Variants in SRBD1 observed in about 807,000 individuals in gnomAD.
SRBD1 encodes the protein S1 RNA binding domain 1, also known as S1 RNA-binding domain-containing protein 1.
A neutral mutation model predicts 115.3 loss-of-function variants in SRBD1; 88 were observed. The observed-to-expected ratio is 0.76, with a 90% CI of 0.64 to 0.91. The LOEUF is 0.91. SRBD1 is among the 40% of genes least tolerant of loss of function. The probability of loss-of-function intolerance (pLI) is 0.00; values close to 1 mark genes in which losing one functional copy is unlikely to be tolerated. For synonymous variants in SRBD1, 509 were observed against 407.7 expected (o/e 1.25, Z -2.99); for missense variants, 1,385 against 1,177.4 (o/e 1.18, Z -2.58).
intron 19 of SRBD1, among the ~76,000 whole-genome samples, chr2:45,407,392 C>T (rs1300545572): frequency 6.6e-6 from 1 of 152,126 alleles, no homozygotes; most frequent in Non-Finnish European, 1.5e-5. Flanking sequence ...TTACAAGATT[C>T]CCCTATTTGG....
intron 18 of SRBD1, among the ~76,000 whole-genome samples, chr2:45,414,718 A>ATATAGTATG (rs1667732001): frequency 6.6e-5 from 7 of 105,920 alleles, no homozygotes; most frequent in East Asian, 6.5e-4. Flanking sequence ...TAGTATGTAT[A>ATATAGTATG]TACACACACA....
intron 4 of SRBD1, among the ~76,000 whole-genome samples, chr2:45,586,806 G>C (rs372948587): frequency 2.7e-5 from 4 of 150,056 alleles, no homozygotes; most frequent in East Asian, 3.9e-4. Context: ...CTCAGCCTCC[G>C]AAAGTGCTGG....
At position 45,564,394 on chromosome 2, in the gene SRBD1, T is replaced by C. The variant is rs76308653; in HGVS notation, c.1306-1638A>G. The stretch of plus-strand genomic sequence containing the variant: ...GACAAGCGTGTCCACTCTCACAACA[T>C]TGTACTGAAGGTTCTAGCCAGGGAA... On this transcript the variant is annotated intron_variant, in intron 9 of 20. Coordinates refer to ENST00000263736, the MANE Select transcript of SRBD1 (RefSeq NM_018079.5). Among the ~76,000 whole-genome samples, 557 of 152,276 alleles carry C rather than the reference T, an allele frequency of 3.7e-3. 10 individuals carry two copies. Among genetic ancestry groups the C allele is most frequent in the African/African-American group, 0.013 (530 of 41,578 alleles).
intron 14 of SRBD1, among the ~76,000 whole-genome samples, chr2:45,491,399 T>C (rs1670287439): frequency 6.6e-6 from 1 of 152,220 alleles, no homozygotes; most frequent in Non-Finnish European, 1.5e-5. Context: ...TTTATGTATT[T>C]TGCCATGAAG....
chr2:45,474,579 G>A (rs1285619174), intron 16 of SRBD1, among the ~76,000 whole-genome samples: 1 of 152,128 alleles, frequency 6.6e-6, no homozygotes, highest in Non-Finnish European at 1.5e-5. Context: ...GCCTAGCTTT[G>A]CTATATGTAT....
intron 14 of SRBD1, among the ~76,000 whole-genome samples, chr2:45,520,198 C>G (rs753003293): frequency 2.0e-4 from 30 of 152,218 alleles, no homozygotes; most frequent in Non-Finnish European, 3.1e-4. Context: ...AAAACAGCAG[C>G]AGGGTACCTG....
At chr2:45,447,359 A>C (rs1189366752) in intron 16 of SRBD1, 1 of 152,352 alleles carries the variant, frequency 6.6e-6, no homozygotes, top group African/African-American at 2.4e-5. Context: ...AGGCAGGAGA[A>C]CTGCTTGAAC....
At chr2:45,546,071 GACTTAATATTCT>G in intron 14 of SRBD1, 1 of 734,874 alleles carries the variant, frequency 1.4e-6, no homozygotes, top group Non-Finnish European at 1.7e-6. Context: ...AATCCTTTAG[GACTTAATATTCT>G]ACTATAGTTT....
rs1039386826 is a variant in SRBD1, at chr2:45,546,725, G to C, written c.1874+7C>G. On this transcript the variant is annotated splice_region_variant and intron_variant, in intron 14 of 20. Transcript: ENST00000263736. ...TCCAAGAAAAGAGATATATGTAATA[G>C]CCTTACCAGTAAACAACATCCAGTG... 5.6e-6 allele frequency: 9 copies of C among 1,612,246 alleles called. No homozygotes were observed. The highest frequency in any genetic ancestry group is 1.3e-5 in the African/African-American group (1 of 74,898).
chr2:45,555,396 A>C (rs907362451), intron 10 of SRBD1, among the ~76,000 whole-genome samples: 1 of 151,858 alleles, frequency 6.6e-6, no homozygotes, highest in Non-Finnish European at 1.5e-5. Flanking sequence ...AAAACAAAAC[A>C]AACAAAAAAA....
At chr2:45,456,675 A>C (rs893428087) in intron 16 of SRBD1, among the ~76,000 whole-genome samples, 1 of 151,886 alleles carries the variant, frequency 6.6e-6, no homozygotes, top group Non-Finnish European at 1.5e-5. Flanking sequence ...AGTAAATTTT[A>C]ATTTGTTTTC....
intron 1 of SRBD1, among the ~76,000 whole-genome samples, chr2:45,607,432 T>C (rs1674308148): frequency 6.6e-6 from 1 of 152,206 alleles, no homozygotes; most frequent in Non-Finnish European, 1.5e-5. Flanking sequence ...AAATTAAAAC[T>C]ATAAAAGAAC....
intron 14 of SRBD1, among the ~76,000 whole-genome samples, chr2:45,493,227 G>A (rs996984031): frequency 6.6e-6 from 1 of 152,150 alleles, no homozygotes; most frequent in African/African-American, 2.4e-5. Context: ...ACTTGCACTA[G>A]GTTTCTCAAC....
chr2:45,502,498 G>C (rs1015033774), intron 14 of SRBD1, among the ~76,000 whole-genome samples: 1 of 152,162 alleles, frequency 6.6e-6, no homozygotes, highest in African/African-American at 2.4e-5. Context: ...ATACTATGCA[G>C]CCATAAAAAA....
intron 16 of SRBD1, among the ~76,000 whole-genome samples, chr2:45,470,872 T>C (rs147725585): frequency 6.6e-6 from 1 of 152,314 alleles, no homozygotes; most frequent in African/African-American, 2.4e-5. Context: ...TCTCCCCATC[T>C]CCTAAGACAA....
intron 2 of SRBD1, among the ~76,000 whole-genome samples, chr2:45,602,399 G>C (rs1674123323): frequency 6.6e-6 from 1 of 152,138 alleles, no homozygotes; most frequent in South Asian, 2.1e-4. Context: ...AATTTACTGG[G>C]TCATGTCAAA....
intron 5 of SRBD1, among the ~76,000 whole-genome samples, chr2:45,582,842 C>T (rs1261372429): frequency 6.6e-6 from 1 of 152,124 alleles, no homozygotes; most frequent in Non-Finnish European, 1.5e-5. Flanking sequence ...ATGCTCATTG[C>T]TACTGGAGTA....
At position 45,388,793 on chromosome 2, in the gene SRBD1, T is replaced by A. The variant is rs1666915723; in HGVS notation, c.*517A>T. 6.5e-6 allele frequency: 1 copy of A among 153,718 alleles called. No homozygotes were observed. The highest frequency in any genetic ancestry group is 1.4e-5 in the Non-Finnish European group (1 of 69,100). 9.5% of individuals were successfully genotyped at this position (153,718 alleles called of 1,614,324 possible). ...GTCAGAATCTGTTTTACTGGTATAT[T>A]TTTGGCTTGCATGACAAGGGAAAAG... On this transcript the variant is annotated 3_prime_UTR_variant, in exon 21 of 21. Coordinates refer to ENST00000263736, the MANE Select transcript of SRBD1 (RefSeq NM_018079.5).
At chr2:45,424,056 C>A (rs1335288385) in intron 16 of SRBD1, among the ~76,000 whole-genome samples, 1 of 152,114 alleles carries the variant, frequency 6.6e-6, no homozygotes, top group African/African-American at 2.4e-5. Flanking sequence ...AAAACATTGA[C>A]TTACATATCC....
Sources: allele counts gnomAD v4.1 joint callset (sites outside exome capture counted in the v4.1 genomes callset), GRCh38; gene constraint gnomAD v4.1.1; transcripts MANE v1.5; gene names NCBI Gene and HGNC (gene_info 2026-07-23, HGNC 2026-07-21).